Variants in FNTB observed in about 807,000 individuals in gnomAD.
The protein encoded by FNTB is protein farnesyltransferase subunit beta.
Under a neutral mutation model 59.4 loss-of-function variants are expected in FNTB, and 27 were observed. That is an observed-to-expected ratio of 0.45 (90% CI 0.34 to 0.63). FNTB has a LOEUF of 0.63. Among genes scored for constraint, FNTB ranks in the 20% least tolerant of loss-of-function variants. FNTB has a pLI of 0.02. For synonymous variants in FNTB, 230 were observed against 220.7 expected, an observed-to-expected ratio of 1.04 and a Z score of -0.37; for missense variants, 449 against 559.6, an observed-to-expected ratio of 0.80 and a Z score of 1.99.
intron 7 of FNTB, among the ~76,000 whole-genome samples, chr14:65,033,490 G>T (rs553274617): frequency 6.6e-6 from 1 of 152,192 alleles, no homozygotes; most frequent in Non-Finnish European, 1.5e-5. Context: ...CTAATTCTAA[G>T]CTAGGTCTTA....
intron 1 of FNTB, among the ~76,000 whole-genome samples, chr14:64,995,505 T>C (rs966098707): frequency 6.6e-6 from 1 of 152,022 alleles, no homozygotes; most frequent in African/African-American, 2.4e-5. Flanking sequence ...TACAACATCA[T>C]GAAAGCTGTG....
intron 4 of FNTB, among the ~76,000 whole-genome samples, chr14:65,024,807 T>TG (rs1017389104): frequency 5.7e-4 from 86 of 152,190 alleles, no homozygotes; most frequent in African/African-American, 2.1e-3. Flanking sequence ...TTTGTAGAGC[T>TG]GGGGTCTCAC....
chr14:65,035,071 C>T (rs939676680), intron 7 of FNTB, among the ~76,000 whole-genome samples: 3 of 152,224 alleles, frequency 2.0e-5, no homozygotes, highest in African/African-American at 7.2e-5. Context: ...AGTTTAAATG[C>T]AGAATTTGGG....
chr14:65,030,973 A>G lies in FNTB; in HGVS notation c.606-1637A>G, dbSNP rs1013501408. On this transcript the variant is annotated intron_variant, in intron 6 of 11. Transcript: ENST00000246166. The surrounding 1 kb of genome is among the most constrained non-coding windows in gnomAD (Gnocchi z 4.5). ...CAGGCGTGTGCCACCATGCCCAGCT[A>G]ATTTTTGTATTTTTAGTAGAGACGA... Among the ~76,000 whole-genome samples, 5 of 151,898 alleles carry G rather than the reference A, an allele frequency of 3.3e-5. No individual in the cohort carries two copies. Among genetic ancestry groups the G allele is most frequent in the African/African-American group, 1.2e-4 (5 of 41,336 alleles).
intron 11 of FNTB, 52 bp from the exon 12 acceptor site, chr14:65,061,129 G>C: frequency 6.2e-7 from 1 of 1,602,666 alleles, no homozygotes; most frequent in Non-Finnish European, 8.5e-7. Context: ...GATGTGTTAT[G>C]TTTTCAAGGA....
chr14:65,024,781 G>GA (rs201797760), intron 4 of FNTB, among the ~76,000 whole-genome samples: 59 of 151,358 alleles, frequency 3.9e-4, no homozygotes, highest in Middle Eastern at 3.4e-3. Context: ...ACATTTGTGG[G>GA]AAAAAAAAAT....
intron 4 of FNTB, among the ~76,000 whole-genome samples, chr14:65,022,284 GTTT>G (rs34044534): frequency 9.0e-5 from 13 of 144,056 alleles, no homozygotes; most frequent in African/African-American, 3.3e-4. Context: ...CTTTTTTTCT[GTTT>G]TTTTTTTTTT....
intron 1 of FNTB, among the ~76,000 whole-genome samples, chr14:64,998,313 T>C (rs1390402355): frequency 1.3e-5 from 2 of 152,206 alleles, no homozygotes; most frequent in Non-Finnish European, 2.9e-5. Context: ...TTGGGAATAG[T>C]GTATTGCAGT....
At position 65,032,335 on chromosome 14, in the gene FNTB, T is replaced by C. The variant is rs763664541; in HGVS notation, c.606-275T>C. On this transcript the variant is annotated intron_variant, in intron 6 of 11. Transcript: ENST00000246166. The surrounding 1 kb of genome is among the most constrained non-coding windows in gnomAD (Gnocchi z 5.0). The stretch of plus-strand genomic sequence containing the variant: ...AATCCACTTTTGACATGAATTGATA[T>C]GGCTGTTATTTCCTCTGATGTAGAT... 2.0e-5 allele frequency: 6 copies of C among 304,222 alleles called. No homozygotes were observed. Among genetic ancestry groups the C allele is most frequent in the South Asian group, 7.9e-5 (1 of 12,664 alleles). The allele number at this position is 304,222 out of a possible 1,614,324, so 18.8% of individuals were successfully genotyped here.
At chr14:65,015,227 C>G (rs2061747969) in intron 3 of FNTB, among the ~76,000 whole-genome samples, 1 of 151,860 alleles carries the variant, frequency 6.6e-6, no homozygotes, top group Non-Finnish European at 1.5e-5. Flanking sequence ...TTCGGCCTCC[C>G]AAGTCGCTGG....
chr14:65,037,751 TA>T (rs1411329453), intron 7 of FNTB, among the ~76,000 whole-genome samples: 2,185 of 106,836 alleles, frequency 0.02, 46 homozygotes, highest in Non-Finnish European at 0.025. Flanking sequence ...ATTATTTATT[TA>T]TTTATTTATT....
rs1233904458 is a variant in FNTB at position 65,061,896 on chromosome 14, C to T, written c.*584C>T. On this transcript the variant is annotated 3_prime_UTR_variant, in exon 12 of 12. Coordinates refer to ENST00000246166, the MANE Select transcript of FNTB (RefSeq NM_002028.4). ...GAAAGATCTCCTTCAGTTGGGAGTC[C>T]TTCCACTTCAACACTGGAGAACTGA... 6.5e-6 allele frequency: 1 copy of T among 154,788 alleles called. No homozygotes were observed. The highest frequency in any genetic ancestry group is 2.4e-5 in the African/African-American group (1 of 41,488). 9.6% of individuals were successfully genotyped at this position (154,788 alleles called of 1,614,324 possible). A position where few individuals can be genotyped will look rare whatever the true frequency, so the allele number is the denominator to read the frequency against.
intron 1 of FNTB, among the ~76,000 whole-genome samples, chr14:64,992,286 G>A (rs1888230405): frequency 6.6e-6 from 1 of 152,128 alleles, no homozygotes. Flanking sequence ...GAAAATACAT[G>A]TACTTTTAGG....
At chr14:64,996,632 G>A (rs1386880888) in intron 1 of FNTB, among the ~76,000 whole-genome samples, 1 of 152,050 alleles carries the variant, frequency 6.6e-6, no homozygotes, top group Non-Finnish European at 1.5e-5. Flanking sequence ...TAGGTGTAGG[G>A]GATGAGGTAT....
At position 65,012,257 on chromosome 14, in the gene FNTB, C is replaced by G. The variant is rs112687927; in HGVS notation, c.210-60C>G. 15 of 1,601,586 alleles carry G rather than the reference C, an allele frequency of 9.4e-6. No homozygotes were observed. Among genetic ancestry groups the G allele is most frequent in the Non-Finnish European group, 1.3e-5 (15 of 1,169,536 alleles). ...ACCCGTGTGTGTGTACGTGCACATA[C>G]GTGTGTATGGTGGAAGCATAAGCTA... On this transcript the variant is annotated intron_variant, in intron 2 of 11. Transcript: ENST00000246166. This position sits in a 1 kb window ranked among gnomAD's most constrained non-coding sequence, Gnocchi z 5.0.
At chr14:65,017,224 C>T (rs1329722942) in intron 4 of FNTB, among the ~76,000 whole-genome samples, 1 of 151,958 alleles carries the variant, frequency 6.6e-6, no homozygotes, top group Admixed American at 6.6e-5. Context: ...CATCCAGCCT[C>T]GTGTGTTTTT....
chr14:65,003,113 A>G (rs932843253), intron 1 of FNTB, among the ~76,000 whole-genome samples: 1 of 152,148 alleles, frequency 6.6e-6, no homozygotes, highest in Non-Finnish European at 1.5e-5. Context: ...CGGTTTTAGC[A>G]TTATGGTGTG....
intron 2 of FNTB, among the ~76,000 whole-genome samples, chr14:65,004,675 T>C (rs1385145112): frequency 6.6e-6 from 1 of 152,158 alleles, no homozygotes; most frequent in Non-Finnish European, 1.5e-5. Flanking sequence ...TTTCTTTTTT[T>C]TTTTGAGACA....
chr14:64,988,807 T>G lies in FNTB; in HGVS notation c.144+1710T>G, dbSNP rs187044218. ...TTATATTTCTTTTTCATGTTGTTATTCCAGCACACATTATTAGAGTCTAGG... is the reference window on the plus strand; with the variant it reads ...TTATATTTCTTTTTCATGTTGTTATGCCAGCACACATTATTAGAGTCTAGG... On this transcript the variant is annotated intron_variant, in intron 1 of 11. Coordinates refer to ENST00000246166, the MANE Select transcript of FNTB (RefSeq NM_002028.4). 9.2e-5 allele frequency among the ~76,000 whole-genome samples: 14 copies of G among 152,314 alleles called. No individual in the cohort carries two copies. The East Asian group carries it at 1.5e-3, about 17-fold the overall frequency.
Sources: allele counts gnomAD v4.1 joint callset (sites outside exome capture counted in the v4.1 genomes callset), GRCh38; gene constraint gnomAD v4.1.1; non-coding constraint Gnocchi (gnomAD v3.1); transcripts MANE v1.5; gene names NCBI Gene and HGNC (gene_info 2026-07-23, HGNC 2026-07-21).